Variants in MEMO1 observed in about 807,000 individuals in gnomAD.
MEMO1 encodes mediator of cell motility 1, also known as protein MEMO1.
MEMO1 carries 6 observed loss-of-function variants against 45.2 expected under a neutral mutation model. The ratio of observed to expected loss-of-function variants is 0.13; its 90% confidence interval spans 0.07 to 0.26. MEMO1 has a LOEUF of 0.26. Ranked by LOEUF, MEMO1 falls within the 10% of genes least tolerant of loss-of-function variation. MEMO1 has a pLI of 1.00. For missense variants in MEMO1, 184 were observed against 370.5 expected, an observed-to-expected ratio of 0.50 and a Z score of 4.13; for synonymous variants, 78 against 124.3, an observed-to-expected ratio of 0.63 and a Z score of 2.48.
intron 6 of MEMO1, among the ~76,000 whole-genome samples, chr2:31,915,509 A>G (rs1018217574): frequency 2.0e-5 from 3 of 152,102 alleles, no homozygotes; most frequent in Non-Finnish European, 2.9e-5. Context: ...AGCCTAGGAC[A>G]TAATAGGCCT....
chr2:31,885,914 A>C (rs1474610928), intron 7 of MEMO1, among the ~76,000 whole-genome samples: 1 of 152,248 alleles, frequency 6.6e-6, no homozygotes, highest in Non-Finnish European at 1.5e-5. Flanking sequence ...ACCCAGACTT[A>C]ACAGTAAGTG....
intron 2 of MEMO1, among the ~76,000 whole-genome samples, chr2:31,957,082 C>A (rs1240168396): frequency 1.4e-5 from 2 of 146,832 alleles, no homozygotes; most frequent in African/African-American, 5.1e-5. Context: ...GTGGAGATTG[C>A]GGTGAAATGA....
intron 5 of MEMO1, 102 bp downstream of exon 5, chr2:31,920,696 T>C (rs772949246): frequency 3.2e-5 from 18 of 569,682 alleles, no homozygotes; most frequent in African/African-American, 1.2e-4. Flanking sequence ...ATTTTAAATA[T>C]TGAGATATTA....
chr2:31,947,699 T>A (rs547849033), intron 2 of MEMO1, among the ~76,000 whole-genome samples: 2 of 152,284 alleles, frequency 1.3e-5, no homozygotes, highest in East Asian at 3.9e-4. Flanking sequence ...AAGAAATAGA[T>A]AATAAACAAT....
rs191988646 is a variant in MEMO1, at chr2:31,953,179, C to T, written c.62-9796G>A. 9.7e-3 allele frequency among the ~76,000 whole-genome samples: 1,474 copies of T among 152,014 alleles called. 13 individuals carry two copies. The highest frequency in any genetic ancestry group is 0.014 in the Non-Finnish European group (980 of 67,992). ...GTCAGGAGTTCAAGACCAACCTGGC[C>T]AACATGGTGAAACCCCATCTCTACT... On this transcript the variant is annotated intron_variant, in intron 2 of 9. Coordinates refer to ENST00000404530, the MANE Select transcript of MEMO1 (RefSeq NM_001301833.4).
intron 8 of MEMO1, among the ~76,000 whole-genome samples, chr2:31,870,676 A>T (rs1164358774): frequency 1.3e-5 from 2 of 152,154 alleles, no homozygotes; most frequent in Admixed American, 6.5e-5. Flanking sequence ...TCCTGGGTTC[A>T]AGCAATTTTC....
chr2:31,919,109 T>A (rs923714544), intron 5 of MEMO1, among the ~76,000 whole-genome samples: 1 of 151,666 alleles, frequency 6.6e-6, no homozygotes, highest in South Asian at 2.1e-4. Flanking sequence ...TGGACTCTTT[T>A]ATTATTTTAT....
chr2:31,995,308 C>T (rs938717734), intron 2 of MEMO1, among the ~76,000 whole-genome samples: 23 of 151,840 alleles, frequency 1.5e-4, no homozygotes, highest in African/African-American at 5.6e-4. Flanking sequence ...AAAAATTAGC[C>T]GGGTGAGGTG....
In MEMO1 at chr2:31,943,284, A is replaced by G. The variant is rs781486630; in HGVS notation, c.143+18T>C. 53 of 1,602,748 alleles carry G rather than the reference A, an allele frequency of 3.3e-5. No individual in the cohort carries two copies. The highest frequency in any genetic ancestry group is 1.1e-4 in the East Asian group (5 of 44,838). ...CTTCTCAAAAAACAAAACAAAAACA[A>G]AAACAAAAAAGACTTACGGGGCAAT... On this transcript the variant is annotated intron_variant, in intron 3 of 9. Coordinates refer to ENST00000404530, the MANE Select transcript of MEMO1 (RefSeq NM_001301833.4).
Position 31,969,572 on chromosome 2 carries a change from GGGGTGTGTGTGTGGGT to G in MEMO1, c.62-26205_62-26190del, listed in dbSNP as rs1175161557. ...ATCTATACTTTCTAAATCTTTTCTGGGGGTGTGTGTGTGGGTGTGTGTGTGTGTGTGTGTGTGTGTG... is the reference window on the plus strand; with the variant it reads ...ATCTATACTTTCTAAATCTTTTCTGGGTGTGTGTGTGTGTGTGTGTGTGTG... On this transcript the variant is annotated intron_variant, in intron 2 of 9. Transcript: ENST00000404530. Among the ~76,000 whole-genome samples the G allele has an allele frequency of 2.5e-4, 27 of 108,580 alleles. 1 individual carries two copies. The South Asian group carries it at 4.9e-3, about 20-fold the overall frequency. 71.2% of individuals were successfully genotyped at this position (108,580 alleles called of 152,430 possible).
At chr2:31,894,639 A>C (rs1345659411) in intron 6 of MEMO1, among the ~76,000 whole-genome samples, 2 of 152,186 alleles carry the variant, frequency 1.3e-5, no homozygotes, top group Non-Finnish European at 2.9e-5. Flanking sequence ...GCAGGCTGAG[A>C]GACTGGCAGC....
chr2:31,904,901 G>A (rs1679438552), intron 6 of MEMO1, among the ~76,000 whole-genome samples: 1 of 152,258 alleles, frequency 6.6e-6, no homozygotes, highest in South Asian at 2.1e-4. Flanking sequence ...AATTTAAGCA[G>A]AATACTGTGA....
intron 2 of MEMO1, among the ~76,000 whole-genome samples, chr2:31,997,701 A>G (rs1301241167): frequency 2.0e-5 from 3 of 152,248 alleles, no homozygotes; most frequent in Non-Finnish European, 4.4e-5. Context: ...GAAAAATGGT[A>G]GATAAAATGA....
At chr2:31,952,448 T>C (rs559243464) in intron 2 of MEMO1, among the ~76,000 whole-genome samples, 3 of 152,286 alleles carry the variant, frequency 2.0e-5, no homozygotes, top group East Asian at 3.9e-4. Flanking sequence ...ACCAATTCCA[T>C]TGGCATTTCG....
chr2:32,004,745 G>C (rs993971380), intron 2 of MEMO1, among the ~76,000 whole-genome samples: 1 of 151,988 alleles, frequency 6.6e-6, no homozygotes, highest in South Asian at 2.1e-4. Context: ...TGGACAACAT[G>C]GTGAAACCCC....
At chr2:31,901,157 G>C (rs1243711873) in intron 6 of MEMO1, among the ~76,000 whole-genome samples, 1 of 151,732 alleles carries the variant, frequency 6.6e-6, no homozygotes, top group Non-Finnish European at 1.5e-5. Context: ...AGATCACTTT[G>C]AGCTCAGGAG....
rs1163186578 is a variant in MEMO1 at position 31,869,964 on chromosome 2, AAAAAAG to A, written c.658-18_658-13del. ...ATAATACTCATACCCTAAAAAAAAA[AAAAAAG>A]AAGAGGAAGAAAAAAATAAAAGAAG... On this transcript the variant is annotated splice_polypyrimidine_tract_variant and intron_variant, in intron 8 of 9. Coordinates refer to ENST00000404530, the MANE Select transcript of MEMO1 (RefSeq NM_001301833.4). 5 of 1,475,498 alleles carry A rather than the reference AAAAAAG, an allele frequency of 3.4e-6. No individual in the cohort carries two copies. In the South Asian group the frequency reaches 5.9e-5, roughly 17 times the overall value. 91.4% of individuals were successfully genotyped at this position (1,475,498 alleles called of 1,614,324 possible). A position where few individuals can be genotyped will look rare whatever the true frequency, so the allele number is the denominator to read the frequency against.
At chr2:31,917,868 T>C in intron 6 of MEMO1, 58 bp downstream of exon 6, 1 of 1,203,446 alleles carries the variant, frequency 8.3e-7, no homozygotes, top group Non-Finnish European at 1.2e-6. Flanking sequence ...TAGTTTTAAA[T>C]TACCAAAGAA....
chr2:31,981,327 T>C (rs988419126), intron 2 of MEMO1, among the ~76,000 whole-genome samples: 10 of 152,210 alleles, frequency 6.6e-5, no homozygotes, highest in African/African-American at 2.4e-4. Flanking sequence ...CACCTTGTTA[T>C]GCAGCAGTTG....
Sources: gnomAD v4.1 joint callset for allele counts (sites outside exome capture counted in the v4.1 genomes callset) on GRCh38, gnomAD v4.1.1 for gene constraint, MANE v1.5 for transcripts, NCBI Gene and HGNC (gene_info 2026-07-23, HGNC 2026-07-21) for gene names.